The following LOC400499 variants were observed in gnomAD, a reference collection of about 807,000 sequenced individuals.
At chr16:11,393,427 G>A in the LOC400499 span, 1 of 1,232,286 alleles carries the variant, frequency 8.1e-7, no homozygotes, top group Non-Finnish European at 1.0e-6. Flanking sequence ...AGACAGCTTG[G>A]GGCCCGGAAC....
At chr16:11,508,045 ATTAAG>A in the LOC400499 span, among the ~76,000 whole-genome samples, 1 of 152,220 alleles carries the variant, frequency 6.6e-6, no homozygotes, top group African/African-American at 2.4e-5. Flanking sequence ...TGCAGATGTA[ATTAAG>A]TTAAGGATCT....
the LOC400499 span, among the ~76,000 whole-genome samples, chr16:11,376,891 C>T: frequency 6.6e-6 from 1 of 151,460 alleles, no homozygotes; most frequent in African/African-American, 2.4e-5. Flanking sequence ...TCTTTGCCTC[C>T]TGGTTAAGTT....
the LOC400499 span, among the ~76,000 whole-genome samples, chr16:11,522,777 G>A: frequency 6.6e-6 from 1 of 152,138 alleles, no homozygotes; most frequent in Non-Finnish European, 1.5e-5. Context: ...AGGGGTTAGG[G>A]TGGGTTGTTA....
the LOC400499 span, among the ~76,000 whole-genome samples, chr16:11,431,963 C>A: frequency 6.6e-6 from 1 of 152,230 alleles, no homozygotes; most frequent in Admixed American, 6.5e-5. Flanking sequence ...CACCTTCTCA[C>A]ATGAATGCTG....
the LOC400499 span, among the ~76,000 whole-genome samples, chr16:11,504,428 T>C: frequency 6.6e-6 from 1 of 151,750 alleles, no homozygotes; most frequent in East Asian, 1.9e-4. Flanking sequence ...TGGTGTTGCA[T>C]GCTTGCAATC....
At chr16:11,417,468 G>A in the LOC400499 span, among the ~76,000 whole-genome samples, 4 of 146,078 alleles carry the variant, frequency 2.7e-5, no homozygotes, top group East Asian at 7.8e-4. Flanking sequence ...CCTGCCTTGG[G>A]AGTTAGGTCA....
the LOC400499 span, among the ~76,000 whole-genome samples, chr16:11,406,072 A>G: frequency 9.0e-4 from 136 of 151,892 alleles, no homozygotes; most frequent in African/African-American, 2.9e-3. Flanking sequence ...TTACATAGGT[A>G]TATTGTGTAA....
the LOC400499 span, among the ~76,000 whole-genome samples, chr16:11,423,724 G>A: frequency 1.3e-5 from 2 of 152,348 alleles, no homozygotes; most frequent in African/African-American, 4.8e-5. Context: ...CAATAAAGAG[G>A]ACAGCTGCGG....
chr16:11,464,165 A>G, the LOC400499 span, among the ~76,000 whole-genome samples: 14 of 37,024 alleles, frequency 3.8e-4, no homozygotes, highest in Admixed American at 4.0e-3. Context: ...ATGTGTATGG[A>G]CATGTGTATG....
At chr16:11,496,076 T>C in the LOC400499 span, among the ~76,000 whole-genome samples, 1 of 151,244 alleles carries the variant, frequency 6.6e-6, no homozygotes, top group African/African-American at 2.4e-5. Flanking sequence ...CCTTTTTTTT[T>C]TTTTCTCGAG....
At chr16:11,375,986 G>C in the LOC400499 span, among the ~76,000 whole-genome samples, 1 of 152,096 alleles carries the variant, frequency 6.6e-6, no homozygotes, top group Admixed American at 6.5e-5. Context: ...TGATCCACCT[G>C]CCTCGGGCTC....
At chr16:11,396,183 G>T in the LOC400499 span, among the ~76,000 whole-genome samples, 1 of 152,348 alleles carries the variant, frequency 6.6e-6, no homozygotes, top group South Asian at 2.1e-4. Flanking sequence ...TTTTACAGGG[G>T]AGGAAACTCA....
At chr16:11,383,432 C>T in the LOC400499 span, among the ~76,000 whole-genome samples, 1 of 152,194 alleles carries the variant, frequency 6.6e-6, no homozygotes, top group African/African-American at 2.4e-5. Context: ...CACTCTTCAC[C>T]AAACGGAGGG....
At chr16:11,411,412 C>T in the LOC400499 span, 1 of 398,616 alleles carries the variant, frequency 2.5e-6, no homozygotes, top group East Asian at 3.6e-5. Flanking sequence ...ACCAAGGGGA[C>T]TTCCCCGAGA....
chr16:11,459,065 T>TAAATAAAA, the LOC400499 span, among the ~76,000 whole-genome samples: 1 of 148,768 alleles, frequency 6.7e-6, no homozygotes, highest in African/African-American at 2.5e-5. Flanking sequence ...AATAAATAAA[T>TAAATAAAA]AAATAAATAA....
the LOC400499 span, among the ~76,000 whole-genome samples, chr16:11,520,908 A>G: frequency 6.6e-6 from 1 of 152,192 alleles, no homozygotes; most frequent in South Asian, 2.1e-4. Context: ...TCTTTGAAAT[A>G]CACTGGTTCT....
At chr16:11,410,613 G>A in the LOC400499 span, among the ~76,000 whole-genome samples, 1 of 152,346 alleles carries the variant, frequency 6.6e-6, no homozygotes, top group East Asian at 1.9e-4. Flanking sequence ...GCCAGGGCTG[G>A]GAGGGTGCCT....
At chr16:11,402,102 A>G in the LOC400499 span, 2 of 399,034 alleles carry the variant, frequency 5.0e-6, no homozygotes, top group Admixed American at 4.4e-5. Context: ...TGCTCTGAGG[A>G]CAGGCGGAGG....
At chr16:11,429,925 C>G in the LOC400499 span, among the ~76,000 whole-genome samples, 1 of 152,180 alleles carries the variant, frequency 6.6e-6, no homozygotes, top group African/African-American at 2.4e-5. Flanking sequence ...TACATGACTT[C>G]CAAGTATCTC....
Sources: allele counts gnomAD v4.1 joint callset (sites outside exome capture counted in the v4.1 genomes callset), GRCh38; gene constraint gnomAD v4.1.1; transcripts MANE v1.5.